The following AGBL4 variants were observed in gnomAD, a reference collection of about 807,000 sequenced individuals.
AGBL4 encodes cytosolic carboxypeptidase 6.
A neutral mutation model predicts 66.4 loss-of-function variants in AGBL4; 58 were observed. That is an observed-to-expected ratio of 0.87 (90% CI 0.71 to 1.09). AGBL4 has a LOEUF of 1.09. AGBL4 is among the 50% of genes least tolerant of loss of function. AGBL4 has a pLI of 0.00. For missense variants in AGBL4, 579 were observed against 631.0 expected, an observed-to-expected ratio of 0.92 and a Z score of 0.88; for synonymous variants, 234 against 222.9, an observed-to-expected ratio of 1.05 and a Z score of -0.44.
chr1:48,830,119 A>G (rs1444897573), intron 6 of AGBL4, among the ~76,000 whole-genome samples: 1 of 152,178 alleles, frequency 6.6e-6, no homozygotes, highest in Admixed American at 6.5e-5. Flanking sequence ...TGAAGTTGGG[A>G]GATCTGGATT....
chr1:48,933,438 T>C (rs1014516102), intron 5 of AGBL4, among the ~76,000 whole-genome samples: 1 of 152,186 alleles, frequency 6.6e-6, no homozygotes, highest in African/African-American at 2.4e-5. Flanking sequence ...CAGCTGACTT[T>C]TATTTTTTTA....
intron 5 of AGBL4, among the ~76,000 whole-genome samples, chr1:49,039,076 C>T (rs539361943): frequency 3.3e-5 from 5 of 152,004 alleles, no homozygotes; most frequent in South Asian, 2.1e-4. Flanking sequence ...TGTCACGAAG[C>T]GAAAGAAGCC....
Position 48,736,506 on chromosome 1 carries a change from A to C in AGBL4, c.635-73265T>G. Reference sequence around the variant, plus strand: ...TTTAGTCCGACAGGAGGGCAGTGGGAGGCTTCTCTTGTCCTTTAAAAAGCA... The same window carrying C: ...TTTAGTCCGACAGGAGGGCAGTGGGCGGCTTCTCTTGTCCTTTAAAAAGCA... On this transcript the variant is annotated intron_variant, in intron 6 of 13. Coordinates refer to ENST00000371839, the MANE Select transcript of AGBL4 (RefSeq NM_032785.4). This position sits in a 1 kb window ranked among gnomAD's most constrained non-coding sequence, Gnocchi z 4.0. 2.0e-6 allele frequency: 3 copies of C among 1,492,256 alleles called. No individual in the cohort carries two copies. The highest frequency in any genetic ancestry group is 2.8e-6 in the Non-Finnish European group (3 of 1,074,760). The allele number at this position is 1,492,256 out of a possible 1,614,324, so 92.4% of individuals were successfully genotyped here.
At chr1:48,856,212 G>A (rs979921918) in intron 6 of AGBL4, among the ~76,000 whole-genome samples, 6 of 152,130 alleles carry the variant, frequency 3.9e-5, no homozygotes, top group African/African-American at 1.4e-4. Flanking sequence ...AATAGAGAAA[G>A]TGATGATAAA....
chr1:49,226,297 A>G (rs1344556742), intron 4 of AGBL4, among the ~76,000 whole-genome samples: 1 of 152,214 alleles, frequency 6.6e-6, no homozygotes, highest in African/African-American at 2.4e-5. Flanking sequence ...TGTTTATGAT[A>G]ATGAAAGGAT....
Position 48,653,375 on chromosome 1 carries a change from T to G in AGBL4, c.801A>C (p.Pro267=), listed in dbSNP as rs752601652. 6.3e-7 allele frequency: 1 copy of G among 1,586,870 alleles called. No individual in the cohort carries two copies. Among genetic ancestry groups the G allele is most frequent in the Non-Finnish European group, 8.6e-7 (1 of 1,165,802 alleles). Residue 267 remains proline, a synonymous_variant, in exon 8 of 14, where the codon CCA becomes CCC. Transcript: ENST00000371839. ...LREYLVFKIA[P]MLNPDGVYLG... ...GGTAGACTCCATCAGGATTGAGCAT[T>G]GGTGCGATCTTGAAGACCAGGTATT...
chr1:49,103,691 T>C (rs1645243000), intron 4 of AGBL4, among the ~76,000 whole-genome samples: 2 of 152,138 alleles, frequency 1.3e-5, no homozygotes. Context: ...AGGTAACTGG[T>C]ACTTGTGTTA....
downstream of AGBL4, among the ~76,000 whole-genome samples, chr1:48,528,508 C>T (rs1438985890): frequency 1.3e-5 from 2 of 151,956 alleles, no homozygotes; most frequent in African/African-American, 4.8e-5. Flanking sequence ...CTTGTTCGGG[C>T]TTAGTGTCGA....
rs72902817 is a variant in AGBL4 at position 48,686,771 on chromosome 1, C to T, written c.635-23530G>A. Among the ~76,000 whole-genome samples the T allele has an allele frequency of 5.4e-3, 826 of 152,270 alleles. 6 individuals carry two copies. Among genetic ancestry groups the T allele is most frequent in the African/African-American group, 0.019 (789 of 41,534 alleles). On this transcript the variant is annotated intron_variant, in intron 6 of 13. Coordinates refer to ENST00000371839, the MANE Select transcript of AGBL4 (RefSeq NM_032785.4). ...CTTGATCTTGGTGAAGTCACGTCCT[C>T]GCTCTAAGCCTCAGTGTCCTCATCT...
At chr1:48,695,744 C>G (rs1468456535) in intron 6 of AGBL4, among the ~76,000 whole-genome samples, 1 of 152,126 alleles carries the variant, frequency 6.6e-6, no homozygotes, top group African/African-American at 2.4e-5. Flanking sequence ...GTGGGTGGAC[C>G]CATTTTAAGG....
chr1:49,656,742 C>G (rs887459863), intron 3 of AGBL4, among the ~76,000 whole-genome samples: 1 of 152,082 alleles, frequency 6.6e-6, no homozygotes, highest in Non-Finnish European at 1.5e-5. Flanking sequence ...ATAAACAGAA[C>G]CAAAGACAAA....
At chr1:49,087,456 T>C (rs969961072) in intron 4 of AGBL4, among the ~76,000 whole-genome samples, 1 of 152,204 alleles carries the variant, frequency 6.6e-6, no homozygotes, top group Non-Finnish European at 1.5e-5. Context: ...TTGCATGTAC[T>C]AGCAGAAATG....
chr1:49,347,155 A>G (rs563906862), intron 3 of AGBL4, among the ~76,000 whole-genome samples: 50 of 152,184 alleles, frequency 3.3e-4, no homozygotes, highest in South Asian at 8.3e-4. Flanking sequence ...CTTCTATATA[A>G]ACAAGCATTG....
intron 7 of AGBL4, 94 bp from the exon 8 acceptor site, chr1:48,653,545 G>A (rs1454428293): frequency 2.1e-6 from 2 of 940,806 alleles, no homozygotes; most frequent in East Asian, 2.6e-5. Context: ...GAGCTCAATA[G>A]GTGATTTTGG....
In AGBL4 at chr1:49,739,092, C is replaced by T. The variant is rs188968450; in HGVS notation, c.158-41655G>A. Among the ~76,000 whole-genome samples, 7 of 150,966 alleles carry T rather than the reference C, an allele frequency of 4.6e-5. No homozygotes were observed. The East Asian group carries it at 5.9e-4, about 13-fold the overall frequency. On this transcript the variant is annotated intron_variant, in intron 2 of 13. Coordinates refer to ENST00000371839, the MANE Select transcript of AGBL4 (RefSeq NM_032785.4). ...CGAGTTGAGAGAAGAAGGCTTCAGA[C>T]GATCAAACTACTCTGAGCTAAAGGA...
chr1:49,605,159 C>A (rs1645039614), intron 3 of AGBL4, among the ~76,000 whole-genome samples: 1 of 152,110 alleles, frequency 6.6e-6, no homozygotes, highest in Non-Finnish European at 1.5e-5. Flanking sequence ...CCTCATTGTA[C>A]TTCAGGATGT....
chr1:49,972,580 G>A (rs760476484), intron 1 of AGBL4, among the ~76,000 whole-genome samples: 2 of 152,130 alleles, frequency 1.3e-5, no homozygotes, highest in Non-Finnish European at 1.5e-5. Flanking sequence ...CTAGGAGCTC[G>A]AGAGCACACA....
Position 49,519,382 on chromosome 1 carries a change from A to G in AGBL4, c.282+177931T>C, listed in dbSNP as rs146347152. ...CAACTTAAAGATGTTAACTGATATT[A>G]ATATTATCACTTTAGTCTGTATTTT... On this transcript the variant is annotated intron_variant, in intron 3 of 13. Transcript: ENST00000371839. Among the ~76,000 whole-genome samples the G allele has an allele frequency of 2.1e-3, 320 of 152,206 alleles. 1 individual carries two copies. The highest frequency in any genetic ancestry group is 7.5e-3 in the African/African-American group (312 of 41,572).
chr1:48,616,938 A>G (rs1645328974), intron 9 of AGBL4, among the ~76,000 whole-genome samples: 1 of 152,064 alleles, frequency 6.6e-6, no homozygotes, highest in African/African-American at 2.4e-5. Flanking sequence ...TGCCTTTCCC[A>G]CTAGAGTGAG....
Sources: gnomAD v4.1 joint callset for allele counts (sites outside exome capture counted in the v4.1 genomes callset) on GRCh38, gnomAD v4.1.1 for gene constraint, Gnocchi (gnomAD v3.1) non-coding constraint, MANE v1.5 for transcripts, NCBI Gene and HGNC (gene_info 2026-07-23, HGNC 2026-07-21) for gene names.